The following GCNT1 variants were observed in gnomAD, a reference collection of about 807,000 sequenced individuals.
The protein encoded by GCNT1 is beta-1,3-galactosyl-O-glycosyl-glycoprotein beta-1,6-N-acetylglucosaminyltransferase.
Under a neutral mutation model 26.2 loss-of-function variants are expected in GCNT1, and 16 were observed. The ratio of observed to expected loss-of-function variants is 0.61; its 90% confidence interval spans 0.41 to 0.93. GCNT1 has a LOEUF of 0.93. Ranked by LOEUF, GCNT1 falls within the 40% of genes least tolerant of loss-of-function variation. The pLI is 0.00. For missense variants in GCNT1, 477 were observed against 526.7 expected (o/e 0.91, Z 0.92); for synonymous variants, 183 against 190.8 (o/e 0.96, Z 0.34).
chr9:76,489,940 G>A (rs1279132718), intron 2 of GCNT1, among the ~76,000 whole-genome samples: 1 of 151,146 alleles, frequency 6.6e-6, no homozygotes. Flanking sequence ...AGCTCATTTG[G>A]GGTTCCATTT....
chr9:76,424,029 T>A (rs143439480), intron 1 of GCNT1, among the ~76,000 whole-genome samples: 2 of 152,324 alleles, frequency 1.3e-5, no homozygotes, highest in East Asian at 3.9e-4. Flanking sequence ...ATGGTTTGCC[T>A]TGGAATCAAA....
intron 2 of GCNT1, among the ~76,000 whole-genome samples, chr9:76,500,226 T>G (rs1825028144): frequency 6.6e-6 from 1 of 152,156 alleles, no homozygotes. Context: ...GGGTTTGTTG[T>G]TTTTGTTATT....
chr9:76,408,039 A>G, the GCNT1 span, among the ~76,000 whole-genome samples: 1 of 152,160 alleles, frequency 6.6e-6, no homozygotes. Flanking sequence ...GTTTATTCTT[A>G]TGGATTTTCT....
upstream of GCNT1, among the ~76,000 whole-genome samples, chr9:76,457,500 C>T (rs558693693): frequency 2.6e-3 from 397 of 152,276 alleles, 2 homozygotes; most frequent in African/African-American, 9.2e-3. Context: ...CCACCCACCT[C>T]GGCCTCCCAA....
At chr9:76,485,067 G>A (rs530357531) in intron 2 of GCNT1, among the ~76,000 whole-genome samples, 69 of 152,058 alleles carry the variant, frequency 4.5e-4, no homozygotes, top group African/African-American at 1.5e-3. Context: ...GATTACTGGC[G>A]TGAGCCGCCG....
chr9:76,395,262 CAAA>C, the GCNT1 span, among the ~76,000 whole-genome samples: 624 of 152,272 alleles, frequency 4.1e-3, 7 homozygotes, highest in African/African-American at 0.014. Context: ...GTCTCGAAGA[CAAA>C]GAAGTTTTTT....
chr9:76,483,851 A>G (rs1824491772), intron 2 of GCNT1, among the ~76,000 whole-genome samples: 1 of 151,808 alleles, frequency 6.6e-6, no homozygotes, highest in Non-Finnish European at 1.5e-5. Context: ...ATTTTTAAAT[A>G]TGAGATGGGG....
At chr9:76,473,754 G>A (rs1367691350) in intron 2 of GCNT1, among the ~76,000 whole-genome samples, 1 of 152,200 alleles carries the variant, frequency 6.6e-6, no homozygotes, top group Non-Finnish European at 1.5e-5. Flanking sequence ...CGGTTGGAGA[G>A]CTGAAATCAT....
At chr9:76,427,073 C>T (rs1823267110) in intron 1 of GCNT1, among the ~76,000 whole-genome samples, 1 of 151,992 alleles carries the variant, frequency 6.6e-6, no homozygotes, top group Non-Finnish European at 1.5e-5. Flanking sequence ...GACTAGTATC[C>T]TTATATGACA....
chr9:76,491,116 CTTCT>C lies in GCNT1; in HGVS notation c.-289-9797_-289-9794del, dbSNP rs554202025. Among the ~76,000 whole-genome samples the C allele has an allele frequency of 8.0e-3, 1,224 of 152,128 alleles. 17 individuals carry two copies. The highest frequency in any genetic ancestry group is 0.027 in the African/African-American group (1,132 of 41,504). ...ATCTCTCTTTCTTTCTCTTTGACTT[CTTCT>C]TTGTCTCTCTCTTTTTGACTCCCTC... On this transcript the variant is annotated intron_variant, in intron 2 of 3. Coordinates refer to ENST00000376730, the MANE Select transcript of GCNT1 (RefSeq NM_001490.5).
the GCNT1 span, chr9:76,398,611 A>G: frequency 5.3e-6 from 4 of 757,038 alleles, no homozygotes; most frequent in Admixed American, 2.1e-5. Flanking sequence ...ACAAAAACCT[A>G]TTTGTTTTTG....
At chr9:76,412,859 G>T in the GCNT1 span, among the ~76,000 whole-genome samples, 1 of 152,180 alleles carries the variant, frequency 6.6e-6, no homozygotes, top group Non-Finnish European at 1.5e-5. Context: ...ATATGCCACA[G>T]TGACCACTTC....
the GCNT1 span, among the ~76,000 whole-genome samples, chr9:76,400,215 A>G: frequency 6.6e-6 from 1 of 152,220 alleles, no homozygotes; most frequent in African/African-American, 2.4e-5. Flanking sequence ...GCAGCTGCCA[A>G]CCTAAAACTG....
At chr9:76,454,731 C>T (rs1261072102), upstream of GCNT1, among the ~76,000 whole-genome samples, 4 of 151,930 alleles carry the variant, frequency 2.6e-5, no homozygotes, top group African/African-American at 9.7e-5. Context: ...CTTGCTCTCT[C>T]TCATCTGCCG....
chr9:76,429,715 C>CT (rs59977325), intron 1 of GCNT1, among the ~76,000 whole-genome samples: 1,690 of 107,088 alleles, frequency 0.016, 48 homozygotes, highest in Admixed American at 0.056. Context: ...TGTTTTCTTT[C>CT]TTTTTTTTTT....
chr9:76,496,587 T>C lies in GCNT1; in HGVS notation c.-289-4329T>C, dbSNP rs1032138302. Among the ~76,000 whole-genome samples the C allele has an allele frequency of 1.1e-4, 16 of 144,300 alleles. No homozygotes were observed. The South Asian group carries it at 3.7e-3, about 33-fold the overall frequency. 94.7% of individuals were successfully genotyped at this position (144,300 alleles called of 152,430 possible). Reference sequence around the variant, plus strand: ...GTCTATCTGGTGGTGCTGACTCTCTTTATGTTGGAACACTTTTAGTGACCA... The same window carrying C: ...GTCTATCTGGTGGTGCTGACTCTCTCTATGTTGGAACACTTTTAGTGACCA... On this transcript the variant is annotated intron_variant, in intron 2 of 3. Transcript: ENST00000376730.
At chr9:76,483,493 C>T (rs983330972) in intron 2 of GCNT1, among the ~76,000 whole-genome samples, 2 of 151,944 alleles carry the variant, frequency 1.3e-5, no homozygotes, top group African/African-American at 2.4e-5. Flanking sequence ...TAGCTCACCG[C>T]AGCCTCGAAC....
the GCNT1 span, chr9:76,398,682 A>G: frequency 4.9e-5 from 56 of 1,147,408 alleles, no homozygotes; most frequent in African/African-American, 7.6e-5. Context: ...GTCGTAACTT[A>G]AAGGGAAACT....
At chr9:76,460,563 C>A (rs1823850343) in intron 2 of GCNT1, among the ~76,000 whole-genome samples, 1 of 152,170 alleles carries the variant, frequency 6.6e-6, no homozygotes, top group South Asian at 2.1e-4. Context: ...CCAGGCAGGC[C>A]CCCCTGCTGG....
Sources: allele counts gnomAD v4.1 joint callset (sites outside exome capture counted in the v4.1 genomes callset), GRCh38; gene constraint gnomAD v4.1.1; transcripts MANE v1.5; gene names NCBI Gene and HGNC (gene_info 2026-07-23, HGNC 2026-07-21).